MAP1LC3B2: variants seen among roughly 807,000 people sequenced by gnomAD.
MAP1LC3B2 encodes the protein microtubule associated protein 1 light chain 3 beta 2, also known as microtubule-associated protein 1 light chain 3 beta 2.
For synonymous variants in MAP1LC3B2, 62 were observed against 57.8 expected (o/e 1.07, Z -0.33); for missense variants, 155 against 154.6 (o/e 1.00, Z -0.01).
At chr12:116,562,661 G>A (rs1222002795) in intron 1 of MAP1LC3B2, among the ~76,000 whole-genome samples, 2 of 152,166 alleles carry the variant, frequency 1.3e-5, no homozygotes, top group African/African-American at 4.8e-5. Context: ...GATTACAAAA[G>A]TGACTATGAC....
chr12:116,569,879 A>C (rs11068080), intron 1 of MAP1LC3B2, among the ~76,000 whole-genome samples: 41,020 of 151,740 alleles, frequency 0.27, 5,869 homozygotes, highest in East Asian at 0.35. Flanking sequence ...CATGGTGAAA[A>C]CCTGTCTCTA....
At chr12:116,566,727 T>C (rs541051971) in intron 1 of MAP1LC3B2, among the ~76,000 whole-genome samples, 78 of 147,114 alleles carry the variant, frequency 5.3e-4, no homozygotes, top group African/African-American at 1.7e-3. Flanking sequence ...AGGTCAGGAG[T>C]TCGAGACCAG....
intron 1 of MAP1LC3B2, among the ~76,000 whole-genome samples, chr12:116,572,730 A>G (rs901874131): frequency 6.6e-6 from 1 of 152,210 alleles, no homozygotes; most frequent in Non-Finnish European, 1.5e-5. Flanking sequence ...AATACTTGTT[A>G]ATATCCACTT....
At chr12:116,575,679 A>G (rs1265715225) in intron 1 of MAP1LC3B2, among the ~76,000 whole-genome samples, 163 bp from the exon 2 acceptor site, 1 of 152,226 alleles carries the variant, frequency 6.6e-6, no homozygotes, top group South Asian at 2.1e-4. Flanking sequence ...TCTCTAATAC[A>G]TGCCAAAGGC....
chr12:116,576,140 A>T lies in MAP1LC3B2; in HGVS notation c.198A>T (p.Ile66=). 6.2e-7 allele frequency: 1 copy of T among 1,614,140 alleles called. No individual in the cohort carries two copies. Among genetic ancestry groups the T allele is most frequent in the Non-Finnish European group, 8.5e-7 (1 of 1,180,024 alleles). ...DHVNMSELIK[I]IRRRLQLNAN... is the part of the protein sequence containing the mutation. ...TCAACATGAGTGAGCTCATCAAGATAATTAGAAGGCGCTTACAGCTCAATG... is the reference window on the plus strand; with the variant it reads ...TCAACATGAGTGAGCTCATCAAGATTATTAGAAGGCGCTTACAGCTCAATG... The change falls in exon 2 of 2, where the codon ATA becomes ATT. Residue 66 remains isoleucine, a synonymous_variant. Transcript: ENST00000556529.
rs1869347230 is a variant in MAP1LC3B2 at position 116,564,718 on chromosome 12, T to C, written c.-102+5285T>C. Among the ~76,000 whole-genome samples the C allele has an allele frequency of 3.9e-5, 6 of 152,230 alleles. No individual in the cohort carries two copies. The South Asian group carries it at 1.2e-3, about 32-fold the overall frequency. Reference sequence around the variant, plus strand: ...CCCTGTGCAGATTTCTGGCACTATGTGTCCATATAACACCATCTTGCCTGG... The same window carrying C: ...CCCTGTGCAGATTTCTGGCACTATGCGTCCATATAACACCATCTTGCCTGG... On this transcript the variant is annotated intron_variant, in intron 1 of 1. Transcript: ENST00000556529.
At chr12:116,567,217 C>A (rs182248352) in intron 1 of MAP1LC3B2, among the ~76,000 whole-genome samples, 78 of 152,032 alleles carry the variant, frequency 5.1e-4, no homozygotes, top group African/African-American at 1.7e-3. Context: ...CAAGTAAAAG[C>A]ACCTCCTATC....
chr12:116,568,992 T>G (rs1869458634), intron 1 of MAP1LC3B2, among the ~76,000 whole-genome samples: 1 of 151,774 alleles, frequency 6.6e-6, no homozygotes, highest in Non-Finnish European at 1.5e-5. Context: ...CCTGCGTACC[T>G]GGGATTACAG....
chr12:116,573,868 A>G (rs1013173120), intron 1 of MAP1LC3B2, among the ~76,000 whole-genome samples: 19 of 152,232 alleles, frequency 1.2e-4, no homozygotes, highest in Non-Finnish European at 1.9e-4. Flanking sequence ...CAGGCAAAAC[A>G]TGGGGCAAGG....
Position 116,576,488 on chromosome 12 carries a change from C to T in MAP1LC3B2, c.*168C>T. The stretch of plus-strand genomic sequence containing the variant: ...TGTGTTTGTGTTTCAAGCAGAAAAA[C>T]TGAGCTCCAAGTGAGCACATTCAGC... On this transcript the variant is annotated 3_prime_UTR_variant, in exon 2 of 2. Coordinates refer to ENST00000556529, the MANE Select transcript of MAP1LC3B2 (RefSeq NM_001085481.3). 1.2e-6 allele frequency: 1 copy of T among 858,318 alleles called. No homozygotes were observed. Among genetic ancestry groups the T allele is most frequent in the Non-Finnish European group, 1.8e-6 (1 of 562,520 alleles). 53.2% of individuals were successfully genotyped at this position (858,318 alleles called of 1,614,324 possible).
At chr12:116,564,095 T>C (rs929049521) in intron 1 of MAP1LC3B2, among the ~76,000 whole-genome samples, 2 of 152,194 alleles carry the variant, frequency 1.3e-5, no homozygotes, top group African/African-American at 4.8e-5. Context: ...TACATTTGGT[T>C]CTTTTTTTAT....
At chr12:116,569,698 A>G (rs1869480684) in intron 1 of MAP1LC3B2, among the ~76,000 whole-genome samples, 1 of 152,204 alleles carries the variant, frequency 6.6e-6, no homozygotes, top group Non-Finnish European at 1.5e-5. Context: ...CAATACAACA[A>G]AATAAAAATG....
At chr12:116,567,244 T>C (rs1316873000) in intron 1 of MAP1LC3B2, among the ~76,000 whole-genome samples, 1 of 152,082 alleles carries the variant, frequency 6.6e-6, no homozygotes, top group East Asian at 1.9e-4. Context: ...CTAACTCCTT[T>C]CTCCAGCTTT....
chr12:116,564,061 A>G (rs1869332661), intron 1 of MAP1LC3B2, among the ~76,000 whole-genome samples: 1 of 151,960 alleles, frequency 6.6e-6, no homozygotes, highest in African/African-American at 2.4e-5. Flanking sequence ...TATTTTAGAT[A>G]TTGTATTTTT....
intron 1 of MAP1LC3B2, among the ~76,000 whole-genome samples, chr12:116,564,075 C>A (rs1300125584): frequency 6.6e-6 from 1 of 152,094 alleles, no homozygotes; most frequent in Non-Finnish European, 1.5e-5. Context: ...TATTTTTTAT[C>A]TCCAGAAGAT....
chr12:116,566,698 G>A (rs564198683), intron 1 of MAP1LC3B2, among the ~76,000 whole-genome samples: 6 of 148,182 alleles, frequency 4.0e-5, no homozygotes, highest in Non-Finnish European at 5.9e-5. Context: ...TTAGGAGACC[G>A]AGTCAGGCAG....
At chr12:116,567,375 A>G (rs1188331367) in intron 1 of MAP1LC3B2, among the ~76,000 whole-genome samples, 2 of 152,002 alleles carry the variant, frequency 1.3e-5, no homozygotes, top group African/African-American at 2.4e-5. Flanking sequence ...TTGAGAAAAG[A>G]CCAAAATGAG....
chr12:116,560,759 T>C (rs1051108042), intron 1 of MAP1LC3B2, among the ~76,000 whole-genome samples: 1 of 151,858 alleles, frequency 6.6e-6, no homozygotes, highest in Non-Finnish European at 1.5e-5. Flanking sequence ...ACAGGTATCC[T>C]TATAAAAGGA....
intron 1 of MAP1LC3B2, among the ~76,000 whole-genome samples, chr12:116,570,708 G>T (rs1869507415): frequency 6.6e-6 from 1 of 152,166 alleles, no homozygotes; most frequent in Admixed American, 6.5e-5. Context: ...CAGCCACGTG[G>T]AACCTCTTTT....
Sources: gnomAD v4.1 joint callset for allele counts (sites outside exome capture counted in the v4.1 genomes callset) on GRCh38, gnomAD v4.1.1 for gene constraint, MANE v1.5 for transcripts, NCBI Gene and HGNC (gene_info 2026-07-23, HGNC 2026-07-21) for gene names.